The following TAF3 variants were observed in gnomAD, a reference collection of about 807,000 sequenced individuals.
TAF3 encodes the protein TATA-box binding protein associated factor 3.
A neutral mutation model predicts 80.6 loss-of-function variants in TAF3; 7 were observed. That is an observed-to-expected ratio of 0.09 (90% CI 0.05 to 0.16). The LOEUF is 0.16. Among genes scored for constraint, TAF3 ranks in the 10% least tolerant of loss-of-function variants. The probability of loss-of-function intolerance (pLI) is 1.00; values close to 1 mark genes in which losing one functional copy is unlikely to be tolerated. For synonymous variants in TAF3, 444 were observed against 446.1 expected, an observed-to-expected ratio of 1.00 and a Z score of 0.06; for missense variants, 921 against 1,140.2, an observed-to-expected ratio of 0.81 and a Z score of 2.77.
At chr10:7,837,577 A>C (rs1588518239) in intron 2 of TAF3, among the ~76,000 whole-genome samples, 1 of 152,212 alleles carries the variant, frequency 6.6e-6, no homozygotes, top group Non-Finnish European at 1.5e-5. Context: ...TGGGAGGCAG[A>C]GGTTGCAGTG....
intron 2 of TAF3, among the ~76,000 whole-genome samples, chr10:7,872,347 C>A (rs1218512877): frequency 6.6e-6 from 1 of 151,328 alleles, no homozygotes; most frequent in East Asian, 1.9e-4. Context: ...AGCAATGGAG[C>A]CTTATTCTTT....
At chr10:7,960,616 G>A (rs1349735941) in intron 2 of TAF3, among the ~76,000 whole-genome samples, 3 of 152,216 alleles carry the variant, frequency 2.0e-5, no homozygotes, top group Non-Finnish European at 2.9e-5. Context: ...GGGGATTGCA[G>A]ATAAGTTAGC....
intron 4 of TAF3, among the ~76,000 whole-genome samples, chr10:7,981,919 C>T (rs186345380): frequency 1.3e-5 from 2 of 152,260 alleles, no homozygotes; most frequent in East Asian, 3.9e-4. Flanking sequence ...TATGTATAGA[C>T]ACTTGTCTTT....
intron 2 of TAF3, among the ~76,000 whole-genome samples, chr10:7,872,381 T>C (rs1368833832): frequency 6.6e-6 from 1 of 152,198 alleles, no homozygotes; most frequent in Non-Finnish European, 1.5e-5. Context: ...TGGATGGCGT[T>C]ATTATTTAAG....
intron 2 of TAF3, among the ~76,000 whole-genome samples, chr10:7,876,421 A>G (rs189667128): frequency 2.9e-4 from 44 of 152,342 alleles, no homozygotes; most frequent in African/African-American, 8.7e-4. Flanking sequence ...GGCCATAAGC[A>G]GGTATTTTAA....
chr10:8,012,091 C>G (rs1170170256), intron 5 of TAF3, among the ~76,000 whole-genome samples: 2 of 152,148 alleles, frequency 1.3e-5, no homozygotes, highest in Non-Finnish European at 2.9e-5. Context: ...CTGGGAAGAT[C>G]ACCTGAGCCT....
chr10:7,887,345 G>T (rs191900463), intron 2 of TAF3, among the ~76,000 whole-genome samples: 3 of 152,102 alleles, frequency 2.0e-5, no homozygotes, highest in Non-Finnish European at 4.4e-5. Context: ...TACAATCGTT[G>T]ACCTGTGAAC....
chr10:7,824,571 G>A lies in TAF3; in HGVS notation c.409+11G>A. ...TGTCTTCTCAAGAAGGTTTGTGAGT[G>A]TTTCTTCTTCATATGTTAGTGATTA... On this transcript the variant is annotated intron_variant, in intron 2 of 6. Coordinates refer to ENST00000344293, the MANE Select transcript of TAF3 (RefSeq NM_031923.4). 1 of 1,611,908 alleles carries A rather than the reference G, an allele frequency of 6.2e-7. No homozygotes were observed. Among genetic ancestry groups the A allele is most frequent in the Non-Finnish European group, 8.5e-7 (1 of 1,178,422 alleles).
chr10:7,946,279 C>A (rs1838023620), intron 2 of TAF3, among the ~76,000 whole-genome samples: 2 of 152,216 alleles, frequency 1.3e-5, no homozygotes, highest in South Asian at 4.1e-4. Context: ...CCTTCCCATG[C>A]CTCAGACACA....
At chr10:7,883,409 T>C (rs1428086818) in intron 2 of TAF3, among the ~76,000 whole-genome samples, 1 of 152,260 alleles carries the variant, frequency 6.6e-6, no homozygotes, top group Admixed American at 6.5e-5. Flanking sequence ...ATGCCTCATG[T>C]GATGAGTCCT....
chr10:7,936,330 A>G (rs191935439), intron 2 of TAF3, among the ~76,000 whole-genome samples: 43 of 152,236 alleles, frequency 2.8e-4, no homozygotes, highest in African/African-American at 8.7e-4. Context: ...AAGCTATAAA[A>G]TGTCATCCCT....
At chr10:7,915,824 C>T (rs866188038) in intron 2 of TAF3, among the ~76,000 whole-genome samples, 23 of 151,042 alleles carry the variant, frequency 1.5e-4, no homozygotes, top group Middle Eastern at 6.9e-3. Flanking sequence ...ACTAAAAATA[C>T]AAAAATTAGC....
intron 5 of TAF3, among the ~76,000 whole-genome samples, chr10:8,013,198 T>C (rs1315246972): frequency 1.3e-5 from 2 of 152,234 alleles, no homozygotes; most frequent in Non-Finnish European, 2.9e-5. Flanking sequence ...GTAACAACTC[T>C]TTTATATCCT....
chr10:7,849,279 T>C (rs1216196602), intron 2 of TAF3, among the ~76,000 whole-genome samples: 1 of 152,186 alleles, frequency 6.6e-6, no homozygotes, highest in Non-Finnish European at 1.5e-5. Context: ...AGTCTGACTC[T>C]AAAGAGCTTT....
At chr10:7,885,777 T>TC (rs1837403805) in intron 2 of TAF3, among the ~76,000 whole-genome samples, 1 of 152,240 alleles carries the variant, frequency 6.6e-6, no homozygotes, top group South Asian at 2.1e-4. Context: ...TGCCTTAGTT[T>TC]CACCACCATC....
At chr10:7,880,873 C>T (rs1292906282) in intron 2 of TAF3, among the ~76,000 whole-genome samples, 1 of 152,174 alleles carries the variant, frequency 6.6e-6, no homozygotes, top group Admixed American at 6.5e-5. Context: ...ATCTAATTTT[C>T]TGCTAATCCA....
chr10:7,834,513 GT>G (rs1436364458), intron 2 of TAF3, among the ~76,000 whole-genome samples: 1 of 151,958 alleles, frequency 6.6e-6, no homozygotes, highest in Non-Finnish European at 1.5e-5. Context: ...GTTGTTCATT[GT>G]TTCTAGGCAA....
intron 4 of TAF3, among the ~76,000 whole-genome samples, chr10:7,988,309 G>A (rs190992952): frequency 2.3e-4 from 35 of 151,964 alleles, no homozygotes; most frequent in Admixed American, 3.9e-4. Flanking sequence ...GATATCCGGG[G>A]CTGGGCACAG....
At position 7,916,114 on chromosome 10, in the gene TAF3, A is replaced by T. The variant is rs188486057; in HGVS notation, c.410-47806A>T. On this transcript the variant is annotated intron_variant, in intron 2 of 6. Transcript: ENST00000344293. ...AGTGTAGCTCCACCTCTTAACCCAA[A>T]GTGTTTGGTTTGGATGCTACCCAGG... Among the ~76,000 whole-genome samples, 578 of 152,278 alleles carry T rather than the reference A, an allele frequency of 3.8e-3. 1 individual carries two copies. Among genetic ancestry groups the T allele is most frequent in the African/African-American group, 0.013 (540 of 41,560 alleles).
Sources: allele counts gnomAD v4.1 joint callset (sites outside exome capture counted in the v4.1 genomes callset), GRCh38; gene constraint gnomAD v4.1.1; transcripts MANE v1.5; gene names NCBI Gene and HGNC (gene_info 2026-07-23, HGNC 2026-07-21).